The following PGS1 variants were observed in gnomAD, a reference collection of about 807,000 sequenced individuals.
The protein encoded by PGS1 is phosphatidylglycerophosphate synthase 1, also known as CDP-diacylglycerol--glycerol-3-phosphate 3-phosphatidyltransferase, mitochondrial.
In PGS1, 44 loss-of-function variants were observed where a neutral mutation model predicts 58.3. The observed-to-expected ratio is 0.75, with a 90% CI of 0.59 to 0.97. The LOEUF is 0.97. PGS1 is among the 50% of genes least tolerant of loss of function. PGS1 has a pLI of 0.00. For synonymous variants in PGS1, 330 were observed against 311.0 expected (o/e 1.06, Z -0.64); for missense variants, 684 against 731.1 (o/e 0.94, Z 0.74).
Position 78,403,907 on chromosome 17 carries a change from A to T in PGS1, c.1220A>T (p.Gln407Leu), listed in dbSNP as rs764621142. ...DLVLGTRAEY[Q>L]ILLASPEVNG... Reference sequence around the variant, plus strand: ...GTCTTGGGCACTCGGGCTGAGTACCAGATCCTGCTGGCCTCACCAGAGGTG... The same window carrying T: ...GTCTTGGGCACTCGGGCTGAGTACCTGATCCTGCTGGCCTCACCAGAGGTG... The change falls in exon 7 of 10, where the codon CAG (glutamine) becomes CTG (leucine). Residue 407 changes from glutamine (Q) to leucine (L), a missense_variant. By Grantham distance (113) the Gln-to-Leu change is moderately radical. Transcript: ENST00000262764. The T allele has an allele frequency of 6.2e-7, 1 of 1,614,182 alleles. No individual in the cohort carries two copies. The highest frequency in any genetic ancestry group is 2.2e-5 in the East Asian group (1 of 44,890).
At chr17:78,391,287 C>T (rs1467862648) in intron 1 of PGS1, among the ~76,000 whole-genome samples, 2 of 151,988 alleles carry the variant, frequency 1.3e-5, no homozygotes, top group Non-Finnish European at 2.9e-5. Flanking sequence ...CATTTGCTCC[C>T]GTCTCTCCCT....
chr17:78,384,942 C>T lies in PGS1; in HGVS notation c.143+6134C>T, dbSNP rs1261814121. On this transcript the variant is annotated intron_variant, in intron 1 of 9. Coordinates refer to ENST00000262764, the MANE Select transcript of PGS1 (RefSeq NM_024419.5). ...TGTTTGCTTGTCTTCAGTGGCATCC[C>T]TTCTCTGAGAAGCGGGCGCCCGGTA... is the stretch of plus-strand genomic sequence containing the variant. 2.0e-5 allele frequency among the ~76,000 whole-genome samples: 3 copies of T among 152,210 alleles called. No individual in the cohort carries two copies. The South Asian group carries it at 6.2e-4, about 31-fold the overall frequency.
At chr17:78,412,034 G>C (rs753464618) in intron 7 of PGS1, among the ~76,000 whole-genome samples, 2 of 145,100 alleles carry the variant, frequency 1.4e-5, no homozygotes, top group Admixed American at 7.3e-5. Context: ...CCCTTCTCCC[G>C]TTGGAAACTT....
intron 4 of PGS1, among the ~76,000 whole-genome samples, chr17:78,398,985 A>C (rs1012300626): frequency 2.6e-5 from 4 of 152,178 alleles, no homozygotes; most frequent in Non-Finnish European, 5.9e-5. Context: ...GTGCTCCCTC[A>C]TGGAGCTGGG....
rs765032874 is a variant in PGS1 at position 78,392,666 on chromosome 17, G to A, written c.333+1G>A. On this transcript the variant is annotated splice_donor_variant, in intron 2 of 9. Transcript: ENST00000262764. LOFTEE classifies it high-confidence loss of function. ...GGCAGAGTTTTTCGAGCTCATGAAG[G>A]TAAGTGGTATCTAAAGGAAAGAAGT... The A allele has an allele frequency of 1.2e-6, 2 of 1,613,340 alleles. No homozygotes were observed. The highest frequency in any genetic ancestry group is 1.7e-6 in the Non-Finnish European group (2 of 1,179,502).
intron 7 of PGS1, among the ~76,000 whole-genome samples, chr17:78,412,124 G>T (rs985795361): frequency 3.3e-5 from 5 of 151,972 alleles, no homozygotes; most frequent in Admixed American, 3.3e-4. Flanking sequence ...GTTCCCAGCT[G>T]CCCTGGCCTG....
At chr17:78,382,000 CAAG>C (rs2082068713) in intron 1 of PGS1, among the ~76,000 whole-genome samples, 1 of 152,126 alleles carries the variant, frequency 6.6e-6, no homozygotes, top group Non-Finnish European at 1.5e-5. Flanking sequence ...TAAACAATTA[CAAG>C]AAGTAGGTAG....
intron 9 of PGS1, among the ~76,000 whole-genome samples, chr17:78,422,677 T>TGATTGATAGAGATGG (rs1555645427): frequency 1.3e-5 from 2 of 152,096 alleles, no homozygotes; most frequent in African/African-American, 4.8e-5. Flanking sequence ...TTTGTATTTT[T>TGATTGATAGAGATGG]GATTGATAGA....
At chr17:78,392,423 AGAAGTATTT>A in intron 1 of PGS1, 44 bp from the exon 2 acceptor site, 2 of 1,358,686 alleles carry the variant, frequency 1.5e-6, no homozygotes, top group Non-Finnish European at 2.0e-6. Flanking sequence ...GGGCTTCTGC[AGAAGTATTT>A]GAGGTATTTG....
intron 1 of PGS1, among the ~76,000 whole-genome samples, chr17:78,383,565 C>T (rs909592370): frequency 2.0e-5 from 3 of 152,146 alleles, no homozygotes; most frequent in East Asian, 1.9e-4. Flanking sequence ...ACTTGTTCAA[C>T]GTGTAAGTAG....
At chr17:78,394,617 A>G (rs1386020601) in intron 2 of PGS1, among the ~76,000 whole-genome samples, 1 of 151,388 alleles carries the variant, frequency 6.6e-6, no homozygotes, top group African/African-American at 2.4e-5. Flanking sequence ...GTGCAATGGC[A>G]CGATCTCGGC....
At chr17:78,393,976 G>A (rs1341779605) in intron 2 of PGS1, among the ~76,000 whole-genome samples, 1 of 151,930 alleles carries the variant, frequency 6.6e-6, no homozygotes, top group Non-Finnish European at 1.5e-5. Context: ...CTGAGGTCAG[G>A]AGTTCGAGAA....
At chr17:78,399,114 G>A (rs2083459712) in intron 4 of PGS1, among the ~76,000 whole-genome samples, 1 of 152,270 alleles carries the variant, frequency 6.6e-6, no homozygotes, top group African/African-American at 2.4e-5. Context: ...AATGGGTGCT[G>A]TGTGGCAAGA....
chr17:78,418,590 G>C (rs2085411978), intron 8 of PGS1, among the ~76,000 whole-genome samples: 3 of 152,236 alleles, frequency 2.0e-5, no homozygotes, highest in Non-Finnish European at 4.4e-5. Context: ...TAAGTTGACT[G>C]TTGGACATTT....
intron 1 of PGS1, among the ~76,000 whole-genome samples, chr17:78,389,599 G>C (rs1191060969): frequency 6.8e-6 from 1 of 146,662 alleles, no homozygotes; most frequent in Non-Finnish European, 1.5e-5. Context: ...GGAATTATAG[G>C]CGTGAGCCAC....
At chr17:78,380,037 T>G (rs1249750098) in intron 1 of PGS1, among the ~76,000 whole-genome samples, 1 of 151,838 alleles carries the variant, frequency 6.6e-6, no homozygotes, top group Non-Finnish European at 1.5e-5. Flanking sequence ...CGGCTAATTT[T>G]GTATTTTTAG....
chr17:78,379,334 T>C (rs2081864627), intron 1 of PGS1, among the ~76,000 whole-genome samples: 1 of 152,122 alleles, frequency 6.6e-6, no homozygotes, highest in Non-Finnish European at 1.5e-5. Context: ...CAATCCTTAG[T>C]AACACTCAGG....
At chr17:78,385,414 G>A (rs549524463) in intron 1 of PGS1, among the ~76,000 whole-genome samples, 3 of 151,274 alleles carry the variant, frequency 2.0e-5, no homozygotes, top group East Asian at 2.0e-4. Flanking sequence ...TCAGCCTCCC[G>A]AGTAGCTGGG....
rs577127857 is a variant in PGS1, at chr17:78,404,900, TCCACCTGCCTTGGCCTC to T, written c.1402+815_1402+831del. On this transcript the variant is annotated intron_variant, in intron 7 of 9. Coordinates refer to ENST00000262764, the MANE Select transcript of PGS1 (RefSeq NM_024419.5). Reference sequence around the variant, plus strand: ...GCCTTGAACTCCTGACTTGAGGTGATCCACCTGCCTTGGCCTCCCAAAGTGCTGGGATTACAGGTGTG... The same window carrying T: ...GCCTTGAACTCCTGACTTGAGGTGATCCAAAGTGCTGGGATTACAGGTGTG... Among the ~76,000 whole-genome samples the T allele has an allele frequency of 6.6e-5, 10 of 152,266 alleles. No individual in the cohort carries two copies. The South Asian group carries it at 2.1e-3, about 32-fold the overall frequency.
Sources: gnomAD v4.1 joint callset for allele counts (sites outside exome capture counted in the v4.1 genomes callset) on GRCh38, gnomAD v4.1.1 for gene constraint, MANE v1.5 for transcripts, NCBI Gene and HGNC (gene_info 2026-07-23, HGNC 2026-07-21) for gene names.